The following PAK3 variants were observed in gnomAD, a reference collection of about 807,000 sequenced individuals.
PAK3 encodes the protein p21 (RAC1) activated kinase 3.
In PAK3, 4 loss-of-function variants were observed where a neutral mutation model predicts 41.0. The observed-to-expected ratio is 0.10, with a 90% confidence interval of 0.05 to 0.22. The LOEUF is 0.22. Ranked by LOEUF, PAK3 falls within the 10% of genes least tolerant of loss-of-function variation. The pLI is 1.00. For missense variants in PAK3, 205 were observed against 409.9 expected (o/e 0.50, Z 4.32); for synonymous variants, 146 against 139.6 (o/e 1.05, Z -0.32).
chrX:111,172,751 A>G (rs979223934), intron 10 of PAK3, among the ~76,000 whole-genome samples: 2 of 111,148 alleles, frequency 1.8e-5, no homozygotes, highest in African/African-American at 3.3e-5. Context: ...TCCAAATATC[A>G]GTAATTTTGA....
chrX:111,174,524 C>T (rs994493209), intron 11 of PAK3, among the ~76,000 whole-genome samples: 1 of 111,590 alleles, frequency 9.0e-6, no homozygotes, highest in Non-Finnish European at 1.9e-5. Flanking sequence ...CTTCCTGTCA[C>T]CGAATGGGTC....
chrX:110,979,794 C>T (rs1328739565), intron 1 of PAK3, among the ~76,000 whole-genome samples: 1 of 111,945 alleles, frequency 8.9e-6, no homozygotes, highest in Non-Finnish European at 1.9e-5. Flanking sequence ...TAGCAGTGTC[C>T]CACACATTTT....
intron 1 of PAK3, among the ~76,000 whole-genome samples, chrX:110,952,100 C>T (rs754380042): frequency 2.7e-5 from 3 of 112,260 alleles, no homozygotes; most frequent in African/African-American, 9.7e-5. Context: ...GGGTATAGTG[C>T]CAAACAAGTA....
intron 1 of PAK3, among the ~76,000 whole-genome samples, chrX:111,066,773 A>G (rs1483143578): frequency 1.8e-5 from 2 of 112,403 alleles, no homozygotes; most frequent in Admixed American, 9.4e-5. Flanking sequence ...TTTAATAAGC[A>G]TATAGTCCGT....
intron 1 of PAK3, among the ~76,000 whole-genome samples, chrX:111,011,090 C>CA (rs2092005099): frequency 9.0e-6 from 1 of 111,637 alleles, no homozygotes; most frequent in Admixed American, 9.5e-5. Context: ...AGTGGGTGCT[C>CA]AAAAGATGGT....
intron 10 of PAK3, among the ~76,000 whole-genome samples, chrX:111,166,143 T>A (rs1345401172): frequency 1.8e-5 from 2 of 111,070 alleles, no homozygotes; most frequent in Non-Finnish European, 3.8e-5. Context: ...CAGTGAACTA[T>A]ACTCCAAAGT....
chrX:111,047,540 C>A (rs1248312795), intron 1 of PAK3, among the ~76,000 whole-genome samples: 1 of 110,599 alleles, frequency 9.0e-6, no homozygotes, highest in Non-Finnish European at 1.9e-5. Flanking sequence ...GAACTGAGGG[C>A]AAAGGGCACC....
At chrX:111,122,413 C>T (rs1000115519) in intron 4 of PAK3, among the ~76,000 whole-genome samples, 12 of 109,842 alleles carry the variant, frequency 1.1e-4, no homozygotes, top group African/African-American at 3.0e-4. Context: ...GGTGTCTCCT[C>T]GGGAACTGGC....
At chrX:111,203,412 T>G (rs1033931896) in intron 16 of PAK3, among the ~76,000 whole-genome samples, 1 of 111,332 alleles carries the variant, frequency 9.0e-6, no homozygotes, top group Non-Finnish European at 1.9e-5. Context: ...GAAAATGGAG[T>G]TCATCATTAA....
chrX:111,085,185 G>A (rs2092871580), intron 1 of PAK3, among the ~76,000 whole-genome samples: 1 of 111,270 alleles, frequency 9.0e-6, no homozygotes, highest in African/African-American at 3.3e-5. Context: ...AAAGTAATAC[G>A]TCATAGCCAA....
chrX:110,963,531 A>G (rs766445529), intron 1 of PAK3, among the ~76,000 whole-genome samples: 32 of 112,706 alleles, frequency 2.8e-4, no homozygotes, highest in Admixed American at 8.4e-4. Flanking sequence ...TTTCCAGTTC[A>G]GAGAATGTTC....
chrX:111,074,637 G>T (rs2092770693), intron 1 of PAK3, among the ~76,000 whole-genome samples: 1 of 112,154 alleles, frequency 8.9e-6, no homozygotes, highest in South Asian at 3.7e-4. Context: ...ATACCAAGGA[G>T]TTGCTGTAAA....
intron 1 of PAK3, among the ~76,000 whole-genome samples, chrX:111,075,908 C>G (rs1014810477): frequency 2.7e-5 from 3 of 112,738 alleles, no homozygotes; most frequent in African/African-American, 9.7e-5. Context: ...GACATGGAGT[C>G]AAGGGAGAAT....
At chrX:111,209,563 T>C (rs1015151064) in intron 16 of PAK3, among the ~76,000 whole-genome samples, 1 of 112,005 alleles carries the variant, frequency 8.9e-6, no homozygotes, top group African/African-American at 3.2e-5. Flanking sequence ...TATCATATGA[T>C]TTCCATGGTA....
At chrX:111,025,800 A>G (rs1411062732) in intron 1 of PAK3, among the ~76,000 whole-genome samples, 1 of 109,134 alleles carries the variant, frequency 9.2e-6, no homozygotes, top group Non-Finnish European at 1.9e-5. Flanking sequence ...TTATAAAGCC[A>G]GACTAATACC....
intron 1 of PAK3, among the ~76,000 whole-genome samples, chrX:110,984,372 A>T (rs1324154202): frequency 2.7e-5 from 3 of 111,798 alleles, no homozygotes; most frequent in Non-Finnish European, 5.6e-5. Context: ...GTACATACTC[A>T]GTGGCACACA....
At chrX:111,118,587 C>T (rs1266008947) in intron 4 of PAK3, among the ~76,000 whole-genome samples, 1 of 110,927 alleles carries the variant, frequency 9.0e-6, no homozygotes, top group Admixed American at 9.7e-5. Context: ...GGTGTGTGCT[C>T]AGATTTGTGA....
chrX:111,203,733 C>T (rs988563742), intron 16 of PAK3, among the ~76,000 whole-genome samples: 29 of 111,914 alleles, frequency 2.6e-4, no homozygotes, highest in African/African-American at 9.4e-4. Context: ...CAACTAAAGG[C>T]TAAACTGTTT....
intron 1 of PAK3, among the ~76,000 whole-genome samples, chrX:111,025,192 A>G (rs1158490097): frequency 1.8e-5 from 2 of 111,267 alleles, no homozygotes; most frequent in Non-Finnish European, 3.8e-5. Flanking sequence ...GCCTACATCA[A>G]AAAGTCTGAA....
Sources: allele counts gnomAD v4.1 joint callset (sites outside exome capture counted in the v4.1 genomes callset), GRCh38; gene constraint gnomAD v4.1.1; transcripts MANE v1.5; gene names NCBI Gene and HGNC (gene_info 2026-07-23, HGNC 2026-07-21).